Variants in FAR1 observed in about 807,000 individuals in gnomAD.
FAR1 encodes the protein male sterility domain-containing protein 2.
FAR1 carries 22 observed loss-of-function variants against 61.1 expected under a neutral mutation model. That is an observed-to-expected ratio of 0.36 (90% CI 0.26 to 0.51). The LOEUF is 0.51. Among genes scored for constraint, FAR1 ranks in the 20% least tolerant of loss-of-function variants. FAR1 has a pLI of 0.95. For synonymous variants in FAR1, 206 were observed against 209.7 expected (o/e 0.98, Z 0.15); for missense variants, 359 against 626.9 (o/e 0.57, Z 4.56).
intron 1 of FAR1, among the ~76,000 whole-genome samples, chr11:13,692,004 C>T (rs1201080075): frequency 6.6e-6 from 1 of 152,090 alleles, no homozygotes; most frequent in African/African-American, 2.4e-5. Context: ...CCCATCTCTA[C>T]TAAAAATACA....
intron 11 of FAR1, among the ~76,000 whole-genome samples, 179 bp from the exon 12 acceptor site, chr11:13,728,432 GA>G (rs1848688173): frequency 6.6e-6 from 1 of 151,788 alleles, no homozygotes; most frequent in Non-Finnish European, 1.5e-5. Flanking sequence ...GATTAGATGG[GA>G]AGCTCTAGAA....
intron 1 of FAR1, among the ~76,000 whole-genome samples, 182 bp downstream of exon 1, chr11:13,668,988 G>T (rs1342308263): frequency 6.6e-6 from 1 of 152,182 alleles, no homozygotes; most frequent in Non-Finnish European, 1.5e-5. Context: ...ACCCCGGGTG[G>T]TCTCTGCCCC....
At chr11:13,726,266 C>A (rs1389010465) in intron 10 of FAR1, among the ~76,000 whole-genome samples, 3 of 151,982 alleles carry the variant, frequency 2.0e-5, no homozygotes, top group African/African-American at 7.2e-5. Context: ...GCGTAACTGT[C>A]CTTTTATTGC....
chr11:13,716,549 CT>C (rs1848559035), intron 9 of FAR1, among the ~76,000 whole-genome samples: 1 of 152,044 alleles, frequency 6.6e-6, no homozygotes, highest in Non-Finnish European at 1.5e-5. Flanking sequence ...ATAAGGATCT[CT>C]CCATATAGCT....
Position 13,729,787 on chromosome 11 carries a change from G to A in FAR1, c.*1013G>A, listed in dbSNP as rs1404379501. The stretch of plus-strand genomic sequence containing the variant: ...AGTAATAGCATTAAAAAATATACTC[G>A]TGTGTAAACACATACTAATTTTGAC... On this transcript the variant is annotated 3_prime_UTR_variant, in exon 12 of 12. Coordinates refer to ENST00000354817, the MANE Select transcript of FAR1 (RefSeq NM_032228.6). 2.0e-5 allele frequency: 3 copies of A among 151,998 alleles called. No homozygotes were observed. Among genetic ancestry groups the A allele is most frequent in the Non-Finnish European group, 4.4e-5 (3 of 67,854 alleles). 9.4% of individuals were successfully genotyped at this position (151,998 alleles called of 1,614,324 possible).
intron 1 of FAR1, among the ~76,000 whole-genome samples, chr11:13,674,511 C>T (rs1048138620): frequency 2.6e-5 from 4 of 151,974 alleles, no homozygotes; most frequent in African/African-American, 7.2e-5. Context: ...GGTTGTATGC[C>T]TTCTTTCTAA....
chr11:13,723,434 GA>G (rs1848635748), intron 10 of FAR1: 1 of 386,692 alleles, frequency 2.6e-6, no homozygotes, highest in Non-Finnish European at 5.0e-6. Flanking sequence ...TTTTGCTGTT[GA>G]AAAGTCGGTA....
intron 9 of FAR1, among the ~76,000 whole-genome samples, chr11:13,716,884 T>G (rs1848562924): frequency 6.6e-6 from 1 of 152,042 alleles, no homozygotes; most frequent in Admixed American, 6.6e-5. Flanking sequence ...GTTGGTGTGC[T>G]GCACCCATTA....
intron 3 of FAR1, among the ~76,000 whole-genome samples, chr11:13,701,713 T>TA (rs1848377889): frequency 6.6e-6 from 1 of 152,126 alleles, no homozygotes; most frequent in African/African-American, 2.4e-5. Flanking sequence ...GAGGGCACTG[T>TA]AATAGTTCCT....
chr11:13,729,470 C>T lies in FAR1; in HGVS notation c.*696C>T, dbSNP rs1171106460. On this transcript the variant is annotated 3_prime_UTR_variant, in exon 12 of 12. Coordinates refer to ENST00000354817, the MANE Select transcript of FAR1 (RefSeq NM_032228.6). ...TTTGAGAATCCATATCAGCAACATACGTGTTTTTTGACAGAAAGTGAAAAC... is the reference window on the plus strand; with the variant it reads ...TTTGAGAATCCATATCAGCAACATATGTGTTTTTTGACAGAAAGTGAAAAC... 1 of 151,856 alleles carries T rather than the reference C, an allele frequency of 6.6e-6. No individual in the cohort carries two copies. The highest frequency in any genetic ancestry group is 1.5e-5 in the Non-Finnish European group (1 of 67,830). The allele number at this position is 151,856 out of a possible 1,614,324, so 9.4% of individuals were successfully genotyped here.
At chr11:13,687,378 G>C (rs998642352) in intron 1 of FAR1, among the ~76,000 whole-genome samples, 2 of 152,224 alleles carry the variant, frequency 1.3e-5, no homozygotes, top group African/African-American at 4.8e-5. Context: ...TTCCCCAAGT[G>C]TGTGGGAATG....
intron 1 of FAR1, among the ~76,000 whole-genome samples, chr11:13,684,014 G>A (rs542401285): frequency 6.6e-6 from 1 of 152,272 alleles, no homozygotes; most frequent in Admixed American, 6.5e-5. Context: ...ACTATATTGT[G>A]TATTGTACTA....
intron 10 of FAR1, among the ~76,000 whole-genome samples, chr11:13,726,918 A>G (rs893628626): frequency 6.6e-6 from 1 of 151,944 alleles, no homozygotes; most frequent in Non-Finnish European, 1.5e-5. Flanking sequence ...ATACTGAATA[A>G]TATCTTTGTA....
In FAR1 at chr11:13,721,639, T is replaced by A; in HGVS notation, c.1128-91T>A. The stretch of plus-strand genomic sequence containing the variant: ...GTTATAATTTTAATACTAATGTCTA[T>A]ATTATAGGGGGAAACTTGCACCCTG... On this transcript the variant is annotated intron_variant, in intron 9 of 11. Transcript: ENST00000354817. This position sits in a 1 kb window ranked among gnomAD's most constrained non-coding sequence, Gnocchi z 4.2. The A allele has an allele frequency of 2.1e-6, 2 of 949,426 alleles. No individual in the cohort carries two copies. Among genetic ancestry groups the A allele is most frequent in the Non-Finnish European group, 3.2e-6 (2 of 629,922 alleles). 58.8% of individuals were successfully genotyped at this position (949,426 alleles called of 1,614,324 possible). A position where few individuals can be genotyped will look rare whatever the true frequency, so the allele number is the denominator to read the frequency against.
At chr11:13,706,272 A>C (rs975321334) in intron 3 of FAR1, among the ~76,000 whole-genome samples, 3 of 152,090 alleles carry the variant, frequency 2.0e-5, no homozygotes, top group Admixed American at 6.5e-5. Context: ...ACTTTAAGGA[A>C]TTTTAGTTTC....
rs565667293 is a variant in FAR1, at chr11:13,702,070, A to T, written c.365+1578A>T. On this transcript the variant is annotated intron_variant, in intron 3 of 11. Transcript: ENST00000354817. ...TTGACTGTCCATGGCAGGAAATCTG[A>T]ATCTGTAGCAGTTGCTTTATTTATT... Among the ~76,000 whole-genome samples, 5 of 152,292 alleles carry T rather than the reference A, an allele frequency of 3.3e-5. No individual in the cohort carries two copies. The East Asian group carries it at 5.8e-4, about 18-fold the overall frequency.
At chr11:13,722,860 A>C (rs7943718) in intron 10 of FAR1, among the ~76,000 whole-genome samples, 88,082 of 124,772 alleles carry the variant, frequency 0.71, 27,023 homozygotes, top group Middle Eastern at 0.74. Flanking sequence ...CTCTCTCTCT[A>C]TATATATATA....
In FAR1 at chr11:13,721,856, A is replaced by G. The variant is rs1848612799; in HGVS notation, c.1254A>G (p.Lys418=). The change falls in exon 10 of 12, where the codon AAA becomes AAG. Residue 418 remains lysine, a synonymous_variant. Transcript: ENST00000354817. This position sits in a 1 kb window ranked among gnomAD's most constrained non-coding sequence, Gnocchi z 4.2. ...TGAATCAACTAAACCCTGAAGATAA[A>G]AAGGCAAGCAAGTATTTTCTGTTTT... ...MLMNQLNPED[K]KTFNIDVRQL... 2 of 1,596,212 alleles carry G rather than the reference A, an allele frequency of 1.3e-6. No homozygotes were observed. The highest frequency in any genetic ancestry group is 1.8e-5 in the Admixed American group (1 of 56,218).
At chr11:13,680,257 C>G (rs1376267746) in intron 1 of FAR1, among the ~76,000 whole-genome samples, 3 of 152,062 alleles carry the variant, frequency 2.0e-5, no homozygotes, top group Admixed American at 2.0e-4. Context: ...AGATTTCTTT[C>G]AGGTGAGGTT....
Sources: allele counts gnomAD v4.1 joint callset (sites outside exome capture counted in the v4.1 genomes callset), GRCh38; gene constraint gnomAD v4.1.1; non-coding constraint Gnocchi (gnomAD v3.1); transcripts MANE v1.5; gene names NCBI Gene and HGNC (gene_info 2026-07-23, HGNC 2026-07-21).